The following TMEM178B variants were observed in gnomAD, a reference collection of about 807,000 sequenced individuals.
The protein encoded by TMEM178B is transmembrane protein 178B.
TMEM178B carries 5 observed loss-of-function variants against 31.0 expected under a neutral mutation model. That is an observed-to-expected ratio of 0.16 (90% confidence interval 0.08 to 0.34). The LOEUF (loss-of-function observed/expected upper bound fraction) is 0.34. Among genes scored for constraint, TMEM178B ranks in the 10% least tolerant of loss-of-function variants. TMEM178B has a pLI of 1.00. For synonymous variants in TMEM178B, 164 were observed against 164.0 expected, an observed-to-expected ratio of 1.00 and a Z score of 0.00; for missense variants, 275 against 400.3, an observed-to-expected ratio of 0.69 and a Z score of 2.67.
At chr7:141,504,214 G>A in the TMEM178B span, among the ~76,000 whole-genome samples, 1 of 152,122 alleles carries the variant, frequency 6.6e-6, no homozygotes, top group South Asian at 2.1e-4. Context: ...AAATGAACTG[G>A]GATAGCTTAG....
Position 141,461,656 on chromosome 7 carries a change from C to T in TMEM178B, c.635-8880C>T, listed in dbSNP as rs1302050156. 1.3e-5 allele frequency among the ~76,000 whole-genome samples: 2 copies of T among 152,162 alleles called. No homozygotes were observed. Among genetic ancestry groups the T allele is most frequent in the African/African-American group, 2.4e-5 (1 of 41,442 alleles). On this transcript the variant is annotated intron_variant, in intron 3 of 3. Transcript: ENST00000565468. The surrounding 1 kb of genome is among the most constrained non-coding windows in gnomAD (Gnocchi z 4.0). ...GCGTCCATTGCTGTGTCATGACTGCCGTGGCTTCTCTGAGAATCCCTAAGC... is the reference window on the plus strand; with the variant it reads ...GCGTCCATTGCTGTGTCATGACTGCTGTGGCTTCTCTGAGAATCCCTAAGC...
chr7:141,401,416 C>CTTAT (rs1554483903), intron 2 of TMEM178B, among the ~76,000 whole-genome samples: 4 of 152,038 alleles, frequency 2.6e-5, no homozygotes, highest in East Asian at 1.9e-4. Context: ...CTTTTATTTT[C>CTTAT]TTATTTATTT....
At chr7:141,440,476 A>G (rs1801637395) in intron 3 of TMEM178B, among the ~76,000 whole-genome samples, 1 of 151,636 alleles carries the variant, frequency 6.6e-6, no homozygotes, top group Admixed American at 6.6e-5. Context: ...CTAATATTTT[A>G]TGGTACTAGG....
At chr7:141,427,416 C>A (rs1000786652) in intron 2 of TMEM178B, among the ~76,000 whole-genome samples, 1 of 152,284 alleles carries the variant, frequency 6.6e-6, no homozygotes, top group South Asian at 2.1e-4. Context: ...TTACAGCCAA[C>A]TGATTTTCAA....
the TMEM178B span, among the ~76,000 whole-genome samples, chr7:141,506,929 C>A: frequency 7.2e-5 from 11 of 152,260 alleles, no homozygotes; most frequent in African/African-American, 2.6e-4. Flanking sequence ...TTACAGGGCC[C>A]ATGCAAGTCT....
intron 2 of TMEM178B, among the ~76,000 whole-genome samples, chr7:141,338,518 A>G (rs745473723): frequency 1.6e-4 from 25 of 152,146 alleles, no homozygotes; most frequent in Admixed American, 2.6e-4. Flanking sequence ...TTGATATTGG[A>G]TGGGGATGGG....
chr7:141,263,180 T>G (rs1000549131), intron 2 of TMEM178B, among the ~76,000 whole-genome samples: 2 of 152,086 alleles, frequency 1.3e-5, no homozygotes, highest in African/African-American at 4.8e-5. Flanking sequence ...CTTACAGGGG[T>G]GTGATTCCTG....
chr7:141,146,789 A>G (rs1795859546), intron 1 of TMEM178B, among the ~76,000 whole-genome samples: 1 of 152,050 alleles, frequency 6.6e-6, no homozygotes, highest in African/African-American at 2.4e-5. Context: ...TTTACCCATA[A>G]TCCTTCTACC....
intron 2 of TMEM178B, among the ~76,000 whole-genome samples, chr7:141,234,923 G>A (rs1797504330): frequency 6.6e-6 from 1 of 152,212 alleles, no homozygotes; most frequent in South Asian, 2.1e-4. Flanking sequence ...GGCAGCGGGG[G>A]TAGCAGATTT....
At chr7:141,087,666 G>T (rs1794810477) in intron 1 of TMEM178B, among the ~76,000 whole-genome samples, 1 of 152,156 alleles carries the variant, frequency 6.6e-6, no homozygotes, top group African/African-American at 2.4e-5. Context: ...GAGTATATTT[G>T]TCTTCTTTAG....
Position 141,342,777 on chromosome 7 carries a change from T to C in TMEM178B, c.497-94831T>C, listed in dbSNP as rs553839855. On this transcript the variant is annotated intron_variant, in intron 2 of 3. Coordinates refer to ENST00000565468, the MANE Select transcript of TMEM178B (RefSeq NM_001195278.2). ...GCAGTCAGTGAGGTGTGAAACTCTC[T>C]GACCTATCTCATGTCGAGTCAGGCT... 3.3e-5 allele frequency among the ~76,000 whole-genome samples: 5 copies of C among 152,384 alleles called. No homozygotes were observed. The East Asian group carries it at 9.6e-4, about 29-fold the overall frequency.
intron 1 of TMEM178B, among the ~76,000 whole-genome samples, chr7:141,114,778 T>C (rs188378199): frequency 9.2e-5 from 14 of 152,344 alleles, no homozygotes; most frequent in Admixed American, 8.5e-4. Flanking sequence ...CAGACTCTGC[T>C]TAAGCGGGGA....
chr7:141,466,407 C>G (rs962295653), intron 3 of TMEM178B, among the ~76,000 whole-genome samples: 2 of 152,232 alleles, frequency 1.3e-5, no homozygotes, highest in African/African-American at 4.8e-5. Flanking sequence ...ACTCCCCATT[C>G]ATCAGCCACA....
chr7:141,500,312 CA>C, the TMEM178B span, among the ~76,000 whole-genome samples: 2 of 152,092 alleles, frequency 1.3e-5, no homozygotes, highest in Non-Finnish European at 2.9e-5. Context: ...GCCAATACTG[CA>C]GGGTAGGAGC....
At chr7:141,480,967 G>A (rs968204946), downstream of TMEM178B, among the ~76,000 whole-genome samples, 3 of 152,242 alleles carry the variant, frequency 2.0e-5, no homozygotes, top group African/African-American at 7.2e-5. Flanking sequence ...TCTGATATAA[G>A]TGGGAAAGTA....
chr7:141,492,538 C>T, the TMEM178B span, among the ~76,000 whole-genome samples: 1 of 152,140 alleles, frequency 6.6e-6, no homozygotes, highest in Non-Finnish European at 1.5e-5. Context: ...GGAATCAATA[C>T]ATAAAAGGAA....
the TMEM178B span, among the ~76,000 whole-genome samples, chr7:141,489,653 T>C: frequency 6.6e-6 from 1 of 152,022 alleles, no homozygotes; most frequent in East Asian, 1.9e-4. Context: ...TCTCTCTGTC[T>C]CTCTCCTCCC....
chr7:141,311,312 A>T (rs1374258282), intron 2 of TMEM178B, among the ~76,000 whole-genome samples: 1 of 152,238 alleles, frequency 6.6e-6, no homozygotes, highest in African/African-American at 2.4e-5. Flanking sequence ...ATAAAGTTTT[A>T]AAAATGTCCC....
chr7:141,074,367 C>T lies in TMEM178B; in HGVS notation c.57C>T (p.Leu19=). The change falls in exon 1 of 4, where the codon CTC becomes CTT. Residue 19 remains leucine, a synonymous_variant. Coordinates refer to ENST00000565468, the MANE Select transcript of TMEM178B (RefSeq NM_001195278.2). This position sits in a 1 kb window ranked among gnomAD's most constrained non-coding sequence, Gnocchi z 5.1. ...YTGLSLALCA[L]GMLAVAICSD... is the part of the protein sequence containing the mutation. ...GCCTCTCGCTAGCGCTCTGCGCCCT[C>T]GGCATGCTGGCCGTGGCCATCTGCT... 2 of 1,536,132 alleles carry T rather than the reference C, an allele frequency of 1.3e-6. No individual in the cohort carries two copies. Among genetic ancestry groups the T allele is most frequent in the Non-Finnish European group, 1.7e-6 (2 of 1,146,866 alleles).
Sources: gnomAD v4.1 joint callset for allele counts (sites outside exome capture counted in the v4.1 genomes callset) on GRCh38, gnomAD v4.1.1 for gene constraint, Gnocchi (gnomAD v3.1) non-coding constraint, MANE v1.5 for transcripts, NCBI Gene and HGNC (gene_info 2026-07-23, HGNC 2026-07-21) for gene names.